Variants in WDR17 observed in about 807,000 individuals in gnomAD.
WDR17 encodes WD repeat-containing protein 17.
WDR17 carries 143 observed loss-of-function variants against 161.7 expected under a neutral mutation model. That is an observed-to-expected ratio of 0.88 (90% confidence interval 0.77 to 1.02). The LOEUF is 1.02. Ranked by LOEUF, WDR17 falls within the 50% of genes least tolerant of loss-of-function variation. The probability of loss-of-function intolerance (pLI) is 0.00; values close to 1 mark genes in which losing one functional copy is unlikely to be tolerated. For synonymous variants in WDR17, 517 were observed against 515.6 expected, an observed-to-expected ratio of 1.00 and a Z score of -0.04; for missense variants, 1,469 against 1,520.9, an observed-to-expected ratio of 0.97 and a Z score of 0.57.
At chr4:176,074,630 A>G (rs1561064049) in intron 1 of WDR17, among the ~76,000 whole-genome samples, 2 of 151,292 alleles carry the variant, frequency 1.3e-5, no homozygotes, top group Non-Finnish European at 2.9e-5. Context: ...TAATTTTTGT[A>G]TTTTTGTAGA....
At chr4:176,148,059 C>G (rs934585698) in intron 12 of WDR17, 74 bp from the exon 13 acceptor site, 3 of 1,287,808 alleles carry the variant, frequency 2.3e-6, no homozygotes, top group East Asian at 4.9e-5. Context: ...TTATTATACT[C>G]TATTAAGAAT....
Position 176,173,381 on chromosome 4 carries a change from T to C in WDR17, c.3347+12T>C, listed in dbSNP as rs1322563565. Reference sequence around the variant, plus strand: ...CATACGTGTACTGAGTGAGTATTTTTTCTGCAAAATATATAAGTGAATCTA... The same window carrying C: ...CATACGTGTACTGAGTGAGTATTTTCTCTGCAAAATATATAAGTGAATCTA... On this transcript the variant is annotated intron_variant, in intron 25 of 28. Transcript: ENST00000508596. 2 of 1,542,232 alleles carry C rather than the reference T, an allele frequency of 1.3e-6. No individual in the cohort carries two copies. Among genetic ancestry groups the C allele is most frequent in the Non-Finnish European group, 1.8e-6 (2 of 1,124,076 alleles).
At chr4:176,141,448 C>A (rs191797999) in intron 10 of WDR17, among the ~76,000 whole-genome samples, 1 of 151,976 alleles carries the variant, frequency 6.6e-6, no homozygotes, top group Non-Finnish European at 1.5e-5. Context: ...TAAGAAAAAG[C>A]GTTTTTGTTG....
chr4:176,173,618 A>G (rs7689950), intron 25 of WDR17, among the ~76,000 whole-genome samples: 148,131 of 152,210 alleles, frequency 0.97, 72,197 homozygotes, highest in East Asian at 1. Context: ...CTGGGTTCAC[A>G]CCATTCTCCT....
intron 18 of WDR17, among the ~76,000 whole-genome samples, chr4:176,156,834 G>C (rs560835297): frequency 6.6e-5 from 10 of 152,108 alleles, no homozygotes; most frequent in Admixed American, 1.3e-4. Context: ...CTTCTCTCTT[G>C]GTGTCTGGTT....
At chr4:176,169,948 T>C (rs1750464000) in intron 23 of WDR17, among the ~76,000 whole-genome samples, 1 of 152,220 alleles carries the variant, frequency 6.6e-6, no homozygotes, top group South Asian at 2.1e-4. Flanking sequence ...CTATTTTACA[T>C]TGAAATTAAA....
intron 26 of WDR17, 40 bp from the exon 27 acceptor site, chr4:176,177,017 GT>G: frequency 2.8e-6 from 4 of 1,436,710 alleles, no homozygotes; most frequent in Non-Finnish European, 2.9e-6. Context: ...TGATATCTTA[GT>G]TTTTGGTATC....
rs748199006 is a variant in WDR17 at position 176,166,135 on chromosome 4, T to C, written c.2991-2537T>C. 2.8e-6 allele frequency: 3 copies of C among 1,058,152 alleles called. No individual in the cohort carries two copies. In the East Asian group the frequency reaches 8.6e-5, roughly 30 times the overall value. The allele number at this position is 1,058,152 out of a possible 1,614,324, so 65.5% of individuals were successfully genotyped here. On this transcript the variant is annotated intron_variant, in intron 22 of 28. Coordinates refer to ENST00000508596, the MANE Select transcript of WDR17 (RefSeq NM_181265.4). ...ATATTTTCCTTTAGCTTTCCATGTG[T>C]TGGATACAGGTATTATCTACTTTTA...
intron 1 of WDR17, chr4:176,096,328 C>A: frequency 2.4e-6 from 1 of 409,420 alleles, no homozygotes; most frequent in Non-Finnish European, 4.4e-6. Flanking sequence ...TTCTTATTTT[C>A]TTATTTACTT....
intron 1 of WDR17, among the ~76,000 whole-genome samples, chr4:176,077,223 T>A (rs1734171254): frequency 7.0e-6 from 1 of 142,954 alleles, no homozygotes. Flanking sequence ...AGGGCGGGGG[T>A]CATGGACTGA....
Position 176,163,284 on chromosome 4 carries a change from T to C in WDR17, c.2981T>C (p.Ile994Thr). The part of the protein sequence containing the change: ...LELLARKCMM[I>T]SVWNLAADLL... ...TTACTGGCGAGAAAGTGCATGATGA[T>C]TTCAGTATGGTAAGAATTTTGAAAT... Residue 994 changes from isoleucine to threonine, a missense_variant, in exon 22 of 29, where the codon ATT (isoleucine) becomes ACT (threonine). Transcript: ENST00000508596. 4.4e-6 allele frequency: 7 copies of C among 1,601,274 alleles called. No homozygotes were observed. Among genetic ancestry groups the C allele is most frequent in the Non-Finnish European group, 6.0e-6 (7 of 1,176,168 alleles).
intron 22 of WDR17, among the ~76,000 whole-genome samples, chr4:176,166,878 A>C (rs919047288): frequency 2.6e-5 from 4 of 152,170 alleles, no homozygotes; most frequent in African/African-American, 7.2e-5. Flanking sequence ...CTAGAGGAAA[A>C]TAATATGAAA....
In WDR17 at chr4:176,150,605, A is replaced by G. The variant is rs1272294600; in HGVS notation, c.2304+12A>G. On this transcript the variant is annotated intron_variant, in intron 16 of 28. Coordinates refer to ENST00000508596, the MANE Select transcript of WDR17 (RefSeq NM_181265.4). Reference sequence around the variant, plus strand: ...TTAAATTTAGAACAGTGAGTAAAATATGCAAATATGATGTACTCAAGCAAA... The same window carrying G: ...TTAAATTTAGAACAGTGAGTAAAATGTGCAAATATGATGTACTCAAGCAAA... 1 of 1,580,260 alleles carries G rather than the reference A, an allele frequency of 6.3e-7. No homozygotes were observed. The highest frequency in any genetic ancestry group is 2.3e-5 in the East Asian group (1 of 44,178).
chr4:176,069,677 A>G (rs1299233016), intron 1 of WDR17, among the ~76,000 whole-genome samples: 1 of 152,124 alleles, frequency 6.6e-6, no homozygotes, highest in African/African-American at 2.4e-5. Flanking sequence ...AGCATGTACC[A>G]GTGTCCCAGG....
intron 25 of WDR17, 54 bp downstream of exon 25, chr4:176,173,423 T>A: frequency 8.2e-7 from 1 of 1,220,602 alleles, no homozygotes; most frequent in African/African-American, 1.5e-5. Flanking sequence ...AATTTTAAAG[T>A]GGCTCCATTG....
intron 28 of WDR17, 34 bp from the exon 29 acceptor site, chr4:176,179,426 C>A: frequency 6.9e-7 from 1 of 1,455,096 alleles, no homozygotes; most frequent in Non-Finnish European, 9.1e-7. Flanking sequence ...AATTTATAAT[C>A]TCATCTTCTC....
At position 176,072,135 on chromosome 4, in the gene WDR17, A is replaced by C. The variant is rs542900148; in HGVS notation, c.-7+6056A>C. On this transcript the variant is annotated intron_variant, in intron 1 of 28. Coordinates refer to ENST00000508596, the MANE Select transcript of WDR17 (RefSeq NM_181265.4). ...GCTTTTAAGAACATCATGATTTGAC[A>C]TATATTGGGAATGCTTAGATAACAC... is the stretch of plus-strand genomic sequence containing the variant. Among the ~76,000 whole-genome samples the C allele has an allele frequency of 2.6e-5, 4 of 152,326 alleles. No individual in the cohort carries two copies. The South Asian group carries it at 6.2e-4, about 24-fold the overall frequency.
intron 7 of WDR17, among the ~76,000 whole-genome samples, chr4:176,132,405 A>G (rs1446317939): frequency 6.6e-6 from 1 of 152,086 alleles, no homozygotes; most frequent in Non-Finnish European, 1.5e-5. Flanking sequence ...TCCCTACTTT[A>G]GAGTTTCTAA....
chr4:176,069,398 C>G (rs1343834948), intron 1 of WDR17, among the ~76,000 whole-genome samples: 1 of 151,910 alleles, frequency 6.6e-6, no homozygotes, highest in Non-Finnish European at 1.5e-5. Flanking sequence ...TAATATAAAT[C>G]TATAATTAAG....
Sources: allele counts gnomAD v4.1 joint callset (sites outside exome capture counted in the v4.1 genomes callset), GRCh38; gene constraint gnomAD v4.1.1; transcripts MANE v1.5; gene names NCBI Gene and HGNC (gene_info 2026-07-23, HGNC 2026-07-21).